The following ELP1 variants were observed in gnomAD, a reference collection of about 807,000 sequenced individuals.
ELP1 encodes elongator acetyltransferase complex subunit 1.
Under a neutral mutation model 183.2 loss-of-function variants are expected in ELP1, and 131 were observed. The observed-to-expected ratio is 0.72, with a 90% CI of 0.62 to 0.83. The LOEUF (loss-of-function observed/expected upper bound fraction) is 0.83, where lower values mean the gene tolerates loss of function less well. Among genes scored for constraint, ELP1 ranks in the 40% least tolerant of loss-of-function variants. ELP1 has a pLI of 0.00. For missense variants in ELP1, 1,550 were observed against 1,594.9 expected (o/e 0.97, Z 0.48); for synonymous variants, 555 against 569.0 (o/e 0.98, Z 0.35).
chr9:108,906,174 AGT>A (rs1449934356), intron 14 of ELP1, 127 bp downstream of exon 14: 1 of 839,826 alleles, frequency 1.2e-6, no homozygotes, highest in Non-Finnish European at 2.0e-6. Context: ...CTTCTTGTTA[AGT>A]GTGTCTAACA....
chr9:108,875,278 G>C (rs1366439832), intron 35 of ELP1, among the ~76,000 whole-genome samples: 1 of 152,222 alleles, frequency 6.6e-6, no homozygotes, highest in Non-Finnish European at 1.5e-5. Context: ...TGAGGAAAGG[G>C]AAAAGAGTAA....
intron 14 of ELP1, among the ~76,000 whole-genome samples, chr9:108,904,618 T>C (rs1404874018): frequency 6.6e-6 from 1 of 152,210 alleles, no homozygotes; most frequent in Non-Finnish European, 1.5e-5. Context: ...ACTCTGGAGC[T>C]AGACTCGCTG....
At chr9:108,926,671 G>C in intron 4 of ELP1, 68 bp from the exon 5 acceptor site, 1 of 1,122,224 alleles carries the variant, frequency 8.9e-7, no homozygotes, top group Non-Finnish European at 1.3e-6. Context: ...AAGTACCTAT[G>C]GCACTGTAAG....
intron 19 of ELP1, 146 bp downstream of exon 19, chr9:108,900,114 T>C (rs1228948630): frequency 2.5e-6 from 2 of 792,960 alleles, no homozygotes; most frequent in East Asian, 5.3e-5. Context: ...CTCCTTTGAA[T>C]AAAGCTAACA....
chr9:108,908,512 A>G, intron 12 of ELP1, 108 bp from the exon 13 acceptor site: 1 of 794,916 alleles, frequency 1.3e-6, no homozygotes, highest in South Asian at 1.4e-5. Context: ...ACAGCAATCT[A>G]GAAAATAATC....
intron 18 of ELP1, among the ~76,000 whole-genome samples, chr9:108,900,834 ATACACGC>A: frequency 1.0e-5 from 1 of 95,784 alleles, no homozygotes; most frequent in Non-Finnish European, 2.1e-5. Flanking sequence ...CCACACACAC[ATACACGC>A]CACACACACA....
intron 36 of ELP1, among the ~76,000 whole-genome samples, chr9:108,870,969 A>ATTTTTTTTTT (rs33952302): frequency 4.8e-5 from 4 of 83,564 alleles, no homozygotes; most frequent in Non-Finnish European, 8.8e-5. Flanking sequence ...TTCATGCACC[A>ATTTTTTTTTT]TTTTTTTTTT....
At chr9:108,913,125 C>G (rs551236893) in intron 10 of ELP1, among the ~76,000 whole-genome samples, 2 of 152,230 alleles carry the variant, frequency 1.3e-5, no homozygotes, top group South Asian at 4.1e-4. Context: ...CAGGAAAAAG[C>G]ATTCTTTTAG....
Position 108,912,753 on chromosome 9 carries a change from G to T in ELP1, c.959-259C>A, listed in dbSNP as rs12340653. Among the ~76,000 whole-genome samples the T allele has an allele frequency of 0.056, 7,430 of 132,710 alleles. 302 individuals are homozygous for T. Among genetic ancestry groups the T allele is most frequent in the Admixed American group, 0.13 (1,708 of 13,282 alleles). The allele number at this position is 132,710 out of a possible 152,430, so 87.1% of individuals were successfully genotyped here. A position where few individuals can be genotyped will look rare whatever the true frequency, so the allele number is the denominator to read the frequency against. ...AACTTTTATTCATATGTTTATTTTCGTTTTTTTTTTTTTTTTATTGACACA... is the reference window on the plus strand; with the variant it reads ...AACTTTTATTCATATGTTTATTTTCTTTTTTTTTTTTTTTTTATTGACACA... On this transcript the variant is annotated intron_variant, in intron 10 of 36. Transcript: ENST00000374647.
At chr9:108,895,124 C>T (rs1828490353) in intron 25 of ELP1, among the ~76,000 whole-genome samples, 1 of 152,128 alleles carries the variant, frequency 6.6e-6, no homozygotes, top group Non-Finnish European at 1.5e-5. Context: ...TGGTGCACGC[C>T]TGTAAGCTGA....
intron 10 of ELP1, among the ~76,000 whole-genome samples, chr9:108,913,231 G>A (rs976840850): frequency 2.0e-5 from 3 of 152,158 alleles, no homozygotes; most frequent in African/African-American, 7.2e-5. Flanking sequence ...GCATCATTGT[G>A]TTGTATTGGG....
chr9:108,893,883 C>G lies in ELP1; in HGVS notation c.2860+60G>C, dbSNP rs151049265. The G allele has an allele frequency of 1.6e-4, 250 of 1,574,324 alleles. 1 individual carries two copies. In the African/African-American group the frequency reaches 2.9e-3, roughly 18 times the overall value. ...GTCTAAACTAACAGTTTAATTTATA[C>G]CTTGCCTAGTTCCAAAGAAGATCTG... is the stretch of plus-strand genomic sequence containing the variant. On this transcript the variant is annotated intron_variant, in intron 26 of 36. Transcript: ENST00000374647.
intron 36 of ELP1, among the ~76,000 whole-genome samples, chr9:108,870,699 C>A (rs924421405): frequency 6.6e-6 from 1 of 150,376 alleles, no homozygotes; most frequent in African/African-American, 2.4e-5. Context: ...GGTACCAATC[C>A]TTCCACAGTT....
intron 36 of ELP1, among the ~76,000 whole-genome samples, chr9:108,872,111 C>T (rs141949904): frequency 2.5e-3 from 384 of 152,246 alleles, no homozygotes; most frequent in African/African-American, 8.8e-3. Flanking sequence ...TTAAGGTTTA[C>T]GATATTACAT....
chr9:108,912,187 C>T, intron 11 of ELP1, 77 bp downstream of exon 11: 2 of 1,096,690 alleles, frequency 1.8e-6, no homozygotes, highest in Non-Finnish European at 2.8e-6. Context: ...CCCACTGTTC[C>T]AGTCAAACCA....
chr9:108,930,129 A>C lies in ELP1; in HGVS notation c.151-208T>G, dbSNP rs116867460. Among the ~76,000 whole-genome samples, 559 of 152,278 alleles carry C rather than the reference A, an allele frequency of 3.7e-3. 3 individuals are homozygous for C. Among genetic ancestry groups the C allele is most frequent in the Admixed American group, 5.6e-3 (85 of 15,304 alleles). On this transcript the variant is annotated intron_variant, in intron 2 of 36. Transcript: ENST00000374647. Reference sequence around the variant, plus strand: ...AAATAGGTAATGTGACCTTTTTGCCAAACAAACACAAAAACAAAAACAATA... The same window carrying C: ...AAATAGGTAATGTGACCTTTTTGCCCAACAAACACAAAAACAAAAACAATA...
intron 1 of ELP1, 81 bp downstream of exon 1, chr9:108,933,783 G>A (rs1181003540): frequency 6.5e-6 from 1 of 153,000 alleles, no homozygotes; most frequent in African/African-American, 2.4e-5. Flanking sequence ...AGCAGGCAGA[G>A]GAGGCTCCGG....
rs140215091 is a variant in ELP1, at chr9:108,905,971, T to C, written c.1643+332A>G. On this transcript the variant is annotated intron_variant, in intron 14 of 36. Coordinates refer to ENST00000374647, the MANE Select transcript of ELP1 (RefSeq NM_003640.5). ...AGCCCATGAGAATTAGCCACTCTAA[T>C]TATGCTTGACAGTTATTAAAATCAA... Among the ~76,000 whole-genome samples the C allele has an allele frequency of 3.9e-4, 60 of 152,148 alleles. 1 individual carries two copies. Among genetic ancestry groups the C allele is most frequent in the African/African-American group, 1.4e-3 (57 of 41,496 alleles).
chr9:108,912,895 C>T (rs2132018106), intron 10 of ELP1, among the ~76,000 whole-genome samples: 1 of 150,482 alleles, frequency 6.6e-6, no homozygotes, highest in East Asian at 2.0e-4. Flanking sequence ...GCTAGGACTA[C>T]AGGCGCCCAC....
Sources: allele counts gnomAD v4.1 joint callset (sites outside exome capture counted in the v4.1 genomes callset), GRCh38; gene constraint gnomAD v4.1.1; transcripts MANE v1.5; gene names NCBI Gene and HGNC (gene_info 2026-07-23, HGNC 2026-07-21).